The following TRMT9B variants were observed in gnomAD, a reference collection of about 807,000 sequenced individuals.
The protein encoded by TRMT9B is probable tRNA methyltransferase 9B.
Under a neutral mutation model 11.5 loss-of-function variants are expected in TRMT9B, and 16 were observed. The ratio of observed to expected loss-of-function variants is 1.39; its 90% CI spans 0.94 to 2.11. The LOEUF (loss-of-function observed/expected upper bound fraction) is 2.11. TRMT9B is among the 30% of genes most tolerant of loss of function. The probability of loss-of-function intolerance (pLI) is 0.00; values close to 1 mark genes in which losing one functional copy is unlikely to be tolerated. For missense variants in TRMT9B, 941 were observed against 553.8 expected, an observed-to-expected ratio of 1.70 and a Z score of -7.02; for synonymous variants, 274 against 192.4, an observed-to-expected ratio of 1.42 and a Z score of -3.51.
At chr8:12,983,818 A>G (rs1050796693) in intron 1 of TRMT9B, among the ~76,000 whole-genome samples, 5 of 152,170 alleles carry the variant, frequency 3.3e-5, no homozygotes, top group African/African-American at 7.2e-5. Context: ...AAAACATAGC[A>G]TTGCAGATGG....
chr8:13,008,418 A>G (rs1012523826), intron 3 of TRMT9B, among the ~76,000 whole-genome samples: 1 of 152,190 alleles, frequency 6.6e-6, no homozygotes, highest in Non-Finnish European at 1.5e-5. Context: ...GGGAGCTGAA[A>G]AAAGGAGGCT....
Position 12,962,593 on chromosome 8 carries a change from C to G in TRMT9B, c.-200+16627C>G, listed in dbSNP as rs369319034. Among the ~76,000 whole-genome samples, 8 of 152,034 alleles carry G rather than the reference C, an allele frequency of 5.3e-5. No homozygotes were observed. The East Asian group carries it at 5.8e-4, about 11-fold the overall frequency. On this transcript the variant is annotated intron_variant, in intron 1 of 4. Transcript: ENST00000524591. ...GCAACCTCTGCCTCCTGGGTTCAAGCGATCCTCGTACCTCAGCCCCCCAAG... is the reference window on the plus strand; with the variant it reads ...GCAACCTCTGCCTCCTGGGTTCAAGGGATCCTCGTACCTCAGCCCCCCAAG...
intron 1 of TRMT9B, among the ~76,000 whole-genome samples, chr8:12,969,659 T>C (rs548057728): frequency 6.6e-6 from 1 of 152,086 alleles, no homozygotes; most frequent in South Asian, 2.1e-4. Context: ...ATTCTCTTTT[T>C]ATTGTTTCTT....
At chr8:12,998,619 T>G (rs1808797247) in intron 2 of TRMT9B, among the ~76,000 whole-genome samples, 1 of 152,240 alleles carries the variant, frequency 6.6e-6, no homozygotes. Context: ...AAGCACCGTC[T>G]TGAGGACATT....
At chr8:12,997,030 A>G (rs879441967) in intron 2 of TRMT9B, among the ~76,000 whole-genome samples, 12 of 143,812 alleles carry the variant, frequency 8.3e-5, no homozygotes, top group Non-Finnish European at 1.8e-4. Flanking sequence ...TGATCTATCT[A>G]TGGGCTCATG....
At chr8:12,974,332 G>T (rs1157608064) in intron 1 of TRMT9B, among the ~76,000 whole-genome samples, 1 of 152,112 alleles carries the variant, frequency 6.6e-6, no homozygotes, top group Non-Finnish European at 1.5e-5. Flanking sequence ...ATAGCAGCAG[G>T]TCCAAGCTGG....
intron 1 of TRMT9B, among the ~76,000 whole-genome samples, chr8:12,966,053 T>C (rs1246182787): frequency 6.7e-6 from 1 of 148,162 alleles, no homozygotes; most frequent in Non-Finnish European, 1.5e-5. Flanking sequence ...TGGCCAGGCA[T>C]GGTGATGTAC....
intron 1 of TRMT9B, among the ~76,000 whole-genome samples, chr8:12,985,434 G>A (rs1479692561): frequency 2.0e-5 from 3 of 152,146 alleles, no homozygotes; most frequent in South Asian, 4.1e-4. Context: ...TTATTCAAAG[G>A]GAGTTGGAAC....
In TRMT9B at chr8:13,019,058, C is replaced by T. The variant is rs184753237; in HGVS notation, c.329-1950C>T. On this transcript the variant is annotated intron_variant, in intron 4 of 4. Transcript: ENST00000524591. ...GAGGCTCAAGTTGCCCCTCTGCATT[C>T]GTCAGTGAATGACCATGAAAGTCTG... Among the ~76,000 whole-genome samples, 561 of 152,214 alleles carry T rather than the reference C, an allele frequency of 3.7e-3. 3 individuals are homozygous for T. The highest frequency in any genetic ancestry group is 6.2e-3 in the Non-Finnish European group (423 of 68,024).
intron 1 of TRMT9B, chr8:12,958,245 T>G (rs1801572893): frequency 6.6e-6 from 1 of 152,236 alleles, no homozygotes; most frequent in South Asian, 2.1e-4. Context: ...TTCGGATACA[T>G]GGCTTGCCTC....
In TRMT9B at chr8:13,026,073, G is replaced by C. The variant is rs1284162391; in HGVS notation, c.*4029G>C. On this transcript the variant is annotated 3_prime_UTR_variant, in exon 5 of 5. Coordinates refer to ENST00000524591, the MANE Select transcript of TRMT9B (RefSeq NM_020844.3). ...TTCTAACTCAGTACTTGAACTTGGT[G>C]GGGGAGGGCACAGGTTAAATATGAG... 2 of 167,006 alleles carry C rather than the reference G, an allele frequency of 1.2e-5. No individual in the cohort carries two copies. The highest frequency in any genetic ancestry group is 1.3e-4 in the Admixed American group (2 of 15,270). The allele number at this position is 167,006 out of a possible 1,614,324, so 10.3% of individuals were successfully genotyped here. A position where few individuals can be genotyped will look rare whatever the true frequency, so the allele number is the denominator to read the frequency against.
At chr8:13,010,929 A>G (rs1585357727) in intron 3 of TRMT9B, 2 of 919,300 alleles carry the variant, frequency 2.2e-6, no homozygotes, top group East Asian at 1.2e-4. Context: ...CAAAGAAATA[A>G]TATCATAGAA....
intron 1 of TRMT9B, among the ~76,000 whole-genome samples, chr8:12,974,388 A>G (rs1804106137): frequency 6.6e-6 from 1 of 152,186 alleles, no homozygotes. Flanking sequence ...CCTGGATTTT[A>G]CACTGGACGG....
chr8:12,997,182 A>C (rs1473058613), intron 2 of TRMT9B, among the ~76,000 whole-genome samples: 1 of 151,876 alleles, frequency 6.6e-6, no homozygotes, highest in Non-Finnish European at 1.5e-5. Flanking sequence ...CCAATGTTGG[A>C]GGTGGGGACT....
At chr8:12,948,400 C>T (rs1800368826) in intron 1 of TRMT9B, among the ~76,000 whole-genome samples, 1 of 148,126 alleles carries the variant, frequency 6.8e-6, no homozygotes, top group South Asian at 2.1e-4. Flanking sequence ...ATTCAAGGAA[C>T]ATCTGTATAT....
intron 1 of TRMT9B, among the ~76,000 whole-genome samples, chr8:12,960,994 A>T (rs1585092436): frequency 6.6e-6 from 1 of 152,104 alleles, no homozygotes; most frequent in African/African-American, 2.4e-5. Flanking sequence ...TACAAAAATT[A>T]GCTGGGCGTG....
intron 2 of TRMT9B, among the ~76,000 whole-genome samples, chr8:12,994,513 G>A (rs538075923): frequency 4.2e-4 from 64 of 152,164 alleles, no homozygotes; most frequent in Middle Eastern, 3.4e-3. Flanking sequence ...TCAAGTGCCC[G>A]GAGGTGACTT....
intron 1 of TRMT9B, among the ~76,000 whole-genome samples, chr8:12,956,482 A>C (rs1034768265): frequency 6.6e-6 from 1 of 152,240 alleles, no homozygotes; most frequent in Non-Finnish European, 1.5e-5. Flanking sequence ...ATACGGTACT[A>C]ATTGAATGAA....
rs1360089805 is a variant in TRMT9B, at chr8:12,969,047, A to G, written c.-199-21787A>G. ...ATCAACATGGTGAAACCCCATCTCT[A>G]CTAATAATAGAAAATATTGGCCGGG... On this transcript the variant is annotated intron_variant, in intron 1 of 4. Transcript: ENST00000524591. Among the ~76,000 whole-genome samples, 4 of 152,216 alleles carry G rather than the reference A, an allele frequency of 2.6e-5. No individual in the cohort carries two copies. The East Asian group carries it at 7.7e-4, about 29-fold the overall frequency.
Sources: allele counts gnomAD v4.1 joint callset (sites outside exome capture counted in the v4.1 genomes callset), GRCh38; gene constraint gnomAD v4.1.1; transcripts MANE v1.5; gene names NCBI Gene and HGNC (gene_info 2026-07-23, HGNC 2026-07-21).